The following ROBO2 variants were observed in gnomAD, a reference collection of about 807,000 sequenced individuals.
The protein encoded by ROBO2 is roundabout guidance receptor 2.
ROBO2 carries 53 observed loss-of-function variants against 160.8 expected under a neutral mutation model. That is an observed-to-expected ratio of 0.33 (90% CI 0.26 to 0.41). The LOEUF (loss-of-function observed/expected upper bound fraction) is 0.41. Among genes scored for constraint, ROBO2 ranks in the 10% least tolerant of loss-of-function variants. The pLI, the probability that ROBO2 is intolerant of heterozygous loss-of-function variation, is 1.00. For synonymous variants in ROBO2, 664 were observed against 611.7 expected (o/e 1.09, Z -1.26); for missense variants, 1,577 against 1,722.4 (o/e 0.92, Z 1.49).
At chr3:76,659,964 G>A (rs1172402300) in intron 2 of ROBO2, among the ~76,000 whole-genome samples, 1 of 152,126 alleles carries the variant, frequency 6.6e-6, no homozygotes, top group African/African-American at 2.4e-5. Flanking sequence ...GTAGCAAATA[G>A]TCCCATTTCC....
chr3:76,423,189 G>A (rs2076065833), intron 2 of ROBO2, among the ~76,000 whole-genome samples: 1 of 152,180 alleles, frequency 6.6e-6, no homozygotes, highest in African/African-American at 2.4e-5. Context: ...AAGATGAACA[G>A]GAAGAGGATG....
intron 2 of ROBO2, among the ~76,000 whole-genome samples, chr3:76,020,602 T>TA (rs936736761): frequency 1.3e-5 from 2 of 151,898 alleles, no homozygotes; most frequent in Non-Finnish European, 2.9e-5. Context: ...CTTAGAATTA[T>TA]AAAAATCAAA....
chr3:76,674,911 A>T (rs1206524581), intron 2 of ROBO2, among the ~76,000 whole-genome samples: 1 of 129,706 alleles, frequency 7.7e-6, no homozygotes, highest in African/African-American at 2.6e-5. Context: ...AATGAGTAGG[A>T]AAAAGCAGCA....
At chr3:77,332,138 T>C (rs1344689960) in intron 2 of ROBO2, among the ~76,000 whole-genome samples, 1 of 152,246 alleles carries the variant, frequency 6.6e-6, no homozygotes, top group South Asian at 2.1e-4. Flanking sequence ...TCTATTCAGA[T>C]AACGATTCTT....
intron 2 of ROBO2, among the ~76,000 whole-genome samples, chr3:76,522,336 G>T (rs553391710): frequency 6.6e-6 from 1 of 151,850 alleles, no homozygotes; most frequent in African/African-American, 2.4e-5. Flanking sequence ...GGGATTATTC[G>T]CCCCACTGCT....
chr3:76,652,610 A>C (rs1427287445), intron 2 of ROBO2, among the ~76,000 whole-genome samples: 1 of 152,228 alleles, frequency 6.6e-6, no homozygotes, highest in African/African-American at 2.4e-5. Context: ...ATATATGACT[A>C]AATTTATATC....
intron 2 of ROBO2, among the ~76,000 whole-genome samples, chr3:76,387,877 A>G (rs796723483): frequency 1.3e-5 from 2 of 152,212 alleles, no homozygotes; most frequent in Non-Finnish European, 2.9e-5. Context: ...ATTTCTTCCA[A>G]TGAATTATGG....
At chr3:77,622,044 C>G (rs1384301517) in intron 22 of ROBO2, among the ~76,000 whole-genome samples, 183 bp from the exon 24 acceptor site, 3 of 151,368 alleles carry the variant, frequency 2.0e-5, no homozygotes, top group Admixed American at 6.6e-5. Flanking sequence ...TTTATGTTTT[C>G]CTTGTTTGGT....
At chr3:77,585,215 T>C (rs2094015673) in intron 16 of ROBO2, among the ~76,000 whole-genome samples, 1 of 151,198 alleles carries the variant, frequency 6.6e-6, no homozygotes, top group African/African-American at 2.4e-5. Flanking sequence ...AGTGACTATC[T>C]GTTTGCCAGA....
At chr3:76,862,702 G>A (rs998786147) in intron 2 of ROBO2, among the ~76,000 whole-genome samples, 1 of 151,964 alleles carries the variant, frequency 6.6e-6, no homozygotes, top group Non-Finnish European at 1.5e-5. Flanking sequence ...AGAAGGGTTG[G>A]GGAATGTGAG....
At chr3:75,961,511 C>T (rs1948909228) in intron 2 of ROBO2, among the ~76,000 whole-genome samples, 1 of 151,614 alleles carries the variant, frequency 6.6e-6, no homozygotes. Flanking sequence ...TTGAGAATTA[C>T]TTCTAAGTAA....
At chr3:76,687,609 G>C (rs1167196456) in intron 2 of ROBO2, among the ~76,000 whole-genome samples, 2 of 151,954 alleles carry the variant, frequency 1.3e-5, no homozygotes. Flanking sequence ...TTATGTAACA[G>C]AACAGAACAA....
chr3:77,131,355 T>C (rs2075836204), intron 2 of ROBO2, among the ~76,000 whole-genome samples: 1 of 152,230 alleles, frequency 6.6e-6, no homozygotes, highest in Admixed American at 6.5e-5. Flanking sequence ...TGTTGTGTTC[T>C]AATGGCATTA....
At chr3:76,892,510 A>G (rs2074427514) in intron 2 of ROBO2, among the ~76,000 whole-genome samples, 2 of 152,032 alleles carry the variant, frequency 1.3e-5, no homozygotes, top group African/African-American at 2.4e-5. Flanking sequence ...TGGATTTCCA[A>G]TTTATGGAAA....
chr3:76,620,026 T>C (rs1048346887), intron 2 of ROBO2, among the ~76,000 whole-genome samples: 16 of 152,258 alleles, frequency 1.1e-4, no homozygotes, highest in African/African-American at 3.6e-4. Context: ...AGTTGGGAAA[T>C]TGAACATTTA....
At chr3:77,518,738 C>T (rs2090288914) in intron 5 of ROBO2, among the ~76,000 whole-genome samples, 1 of 151,418 alleles carries the variant, frequency 6.6e-6, no homozygotes, top group Admixed American at 6.6e-5. Context: ...ATAATCTTTT[C>T]CAACTTCAGT....
chr3:77,495,581 T>C (rs1444001260), intron 5 of ROBO2, among the ~76,000 whole-genome samples: 1 of 152,182 alleles, frequency 6.6e-6, no homozygotes, highest in Non-Finnish European at 1.5e-5. Flanking sequence ...TTAGTTTTTC[T>C]AGTTTTGTGA....
At chr3:76,465,000 A>T (rs1453732193) in intron 2 of ROBO2, among the ~76,000 whole-genome samples, 1 of 152,102 alleles carries the variant, frequency 6.6e-6, no homozygotes, top group Non-Finnish European at 1.5e-5. Flanking sequence ...TTTCAAAAAG[A>T]AAAGAAACTC....
chr3:76,327,286 T>G (rs2107971735), intron 2 of ROBO2, among the ~76,000 whole-genome samples: 1 of 152,228 alleles, frequency 6.6e-6, no homozygotes, highest in South Asian at 2.1e-4. Flanking sequence ...TTTAAATTTA[T>G]TAATAATATA....
Sources: allele counts gnomAD v4.1 joint callset (sites outside exome capture counted in the v4.1 genomes callset), GRCh38; gene constraint gnomAD v4.1.1; transcripts MANE v1.5; gene names NCBI Gene and HGNC (gene_info 2026-07-23, HGNC 2026-07-21).